The following XKR6 variants were observed in gnomAD, a reference collection of about 807,000 sequenced individuals.
XKR6 encodes the protein XK-related protein 6.
A neutral mutation model predicts 56.7 loss-of-function variants in XKR6; 22 were observed. The ratio of observed to expected loss-of-function variants is 0.39; its 90% confidence interval spans 0.28 to 0.55. The LOEUF is 0.55. XKR6 is among the 20% of genes least tolerant of loss of function. The pLI, the probability that XKR6 is intolerant of heterozygous loss-of-function variation, is 0.66. For missense variants in XKR6, 852 were observed against 889.0 expected (o/e 0.96, Z 0.53); for synonymous variants, 524 against 387.8 (o/e 1.35, Z -4.13).
At chr8:10,969,238 T>C (rs199835798) in intron 1 of XKR6, among the ~76,000 whole-genome samples, 2 of 152,164 alleles carry the variant, frequency 1.3e-5, no homozygotes, top group East Asian at 3.9e-4. Flanking sequence ...CCAACTTAGA[T>C]GCATGGTTCC....
chr8:11,074,011 G>GA (rs947483762), intron 1 of XKR6, among the ~76,000 whole-genome samples: 9 of 151,640 alleles, frequency 5.9e-5, no homozygotes, highest in African/African-American at 2.2e-4. Context: ...ATTGAAAAAA[G>GA]AAAAAAAAGC....
intron 1 of XKR6, among the ~76,000 whole-genome samples, chr8:11,050,417 C>T (rs544837920): frequency 1.3e-5 from 2 of 152,102 alleles, no homozygotes; most frequent in East Asian, 3.9e-4. Flanking sequence ...CTCGGAGATC[C>T]CTTCCAGCTC....
At chr8:11,149,791 C>T (rs748036378) in intron 1 of XKR6, among the ~76,000 whole-genome samples, 1 of 152,184 alleles carries the variant, frequency 6.6e-6, no homozygotes, top group Non-Finnish European at 1.5e-5. Flanking sequence ...AAAGAAATCT[C>T]ACAGACTATT....
chr8:10,964,906 C>T (rs73196868), intron 1 of XKR6, among the ~76,000 whole-genome samples: 353 of 152,334 alleles, frequency 2.3e-3, no homozygotes, highest in Non-Finnish European at 4.2e-3. Flanking sequence ...GTTTCCCCGG[C>T]CAGCGCTCCA....
rs534775082 is a variant in XKR6, at chr8:10,912,655, T to C, written c.961+11979A>G. Among the ~76,000 whole-genome samples, 68 of 42,130 alleles carry C rather than the reference T, an allele frequency of 1.6e-3. 1 individual carries two copies. The South Asian group carries it at 0.017, about 10-fold the overall frequency. The allele number at this position is 42,130 out of a possible 152,430, so 27.6% of individuals were successfully genotyped here. ...TGTAAAGAGAGAAAGAGGGTGTCTA[T>C]ATGTGTGTCTATATATATAGAGAGG... On this transcript the variant is annotated intron_variant, in intron 2 of 2. Coordinates refer to ENST00000416569, the MANE Select transcript of XKR6 (RefSeq NM_173683.4).
chr8:11,068,806 GC>G (rs1204449550), intron 1 of XKR6, among the ~76,000 whole-genome samples: 1 of 152,136 alleles, frequency 6.6e-6, no homozygotes, highest in African/African-American at 2.4e-5. Flanking sequence ...CCCACCCCTG[GC>G]CAAGGTGGGC....
intron 1 of XKR6, among the ~76,000 whole-genome samples, chr8:11,012,365 A>T (rs1203977169): frequency 1.3e-5 from 2 of 152,228 alleles, no homozygotes; most frequent in Non-Finnish European, 2.9e-5. Context: ...GGGGATAATG[A>T]CAGCACCTAT....
chr8:11,130,529 G>C (rs552901436), intron 1 of XKR6, among the ~76,000 whole-genome samples: 98 of 152,012 alleles, frequency 6.4e-4, no homozygotes, highest in Non-Finnish European at 1.2e-3. Flanking sequence ...CTGCACCCAA[G>C]TGCCGTAGTC....
intron 1 of XKR6, among the ~76,000 whole-genome samples, chr8:11,178,026 G>C (rs1214155268): frequency 1.3e-5 from 2 of 152,134 alleles, no homozygotes; most frequent in Non-Finnish European, 2.9e-5. Context: ...TTTACTAACA[G>C]AGGCAGGAGA....
intron 1 of XKR6, among the ~76,000 whole-genome samples, chr8:11,142,701 G>T (rs1032259275): frequency 6.6e-6 from 1 of 152,144 alleles, no homozygotes; most frequent in African/African-American, 2.4e-5. Flanking sequence ...AGCAGAAGCT[G>T]GTGCCATGCT....
intron 1 of XKR6, among the ~76,000 whole-genome samples, chr8:11,054,806 C>T (rs1169569712): frequency 6.6e-6 from 1 of 152,186 alleles, no homozygotes; most frequent in Non-Finnish European, 1.5e-5. Context: ...GTGGTGCTCA[C>T]TGGGGCCCTG....
chr8:10,962,384 C>A (rs897328213), intron 1 of XKR6, among the ~76,000 whole-genome samples: 4 of 152,218 alleles, frequency 2.6e-5, no homozygotes, highest in Admixed American at 6.5e-5. Flanking sequence ...AGTCAGGCTG[C>A]AGTGAACCCC....
chr8:11,028,671 T>A (rs1419408544), intron 1 of XKR6, among the ~76,000 whole-genome samples: 2 of 152,196 alleles, frequency 1.3e-5, no homozygotes, highest in Non-Finnish European at 2.9e-5. Context: ...ACAGGTAGCA[T>A]TTGGCACTTG....
At chr8:11,000,003 T>C (rs1416678203) in intron 1 of XKR6, among the ~76,000 whole-genome samples, 1 of 152,212 alleles carries the variant, frequency 6.6e-6, no homozygotes. Flanking sequence ...GTTTGGCTAA[T>C]GGCATTCCAT....
intron 1 of XKR6, among the ~76,000 whole-genome samples, chr8:10,933,256 C>T: frequency 9.8e-6 from 1 of 101,696 alleles, no homozygotes. Flanking sequence ...TTCTTTTTTT[C>T]TTGTAAATTT....
chr8:11,062,927 C>T (rs1305397999), intron 1 of XKR6: 3 of 447,510 alleles, frequency 6.7e-6, no homozygotes, highest in African/African-American at 6.0e-5. Context: ...TCTCTATTCT[C>T]TTTCTTCATG....
intron 1 of XKR6, among the ~76,000 whole-genome samples, chr8:11,090,112 C>T (rs1038932389): frequency 1.1e-4 from 16 of 152,182 alleles, no homozygotes; most frequent in African/African-American, 3.6e-4. Flanking sequence ...CACACAGAGT[C>T]TTGCTCAGTC....
chr8:10,901,796 G>C (rs953060930), intron 2 of XKR6, among the ~76,000 whole-genome samples: 1 of 152,230 alleles, frequency 6.6e-6, no homozygotes, highest in Non-Finnish European at 1.5e-5. Context: ...ATCCAGTCCA[G>C]TTCTAAGCAT....
At chr8:11,061,818 G>A (rs1411130725) in intron 1 of XKR6, among the ~76,000 whole-genome samples, 1 of 152,196 alleles carries the variant, frequency 6.6e-6, no homozygotes, top group African/African-American at 2.4e-5. Context: ...AGGCAGGAGG[G>A]CAGCCATCGG....
Sources: allele counts gnomAD v4.1 joint callset (sites outside exome capture counted in the v4.1 genomes callset), GRCh38; gene constraint gnomAD v4.1.1; transcripts MANE v1.5; gene names NCBI Gene and HGNC (gene_info 2026-07-23, HGNC 2026-07-21).